Variants in SPAG16 observed in about 807,000 individuals in gnomAD.
The protein encoded by SPAG16 is sperm-associated antigen 16 protein.
Under a neutral mutation model 80.4 loss-of-function variants are expected in SPAG16, and 86 were observed. The ratio of observed to expected loss-of-function variants is 1.07; its 90% CI spans 0.90 to 1.28. SPAG16 has a LOEUF of 1.28. Ranked by LOEUF, SPAG16 falls within the 50% of genes most tolerant of loss-of-function variation. The pLI is 0.00. For missense variants in SPAG16, 870 were observed against 765.3 expected (o/e 1.14, Z -1.61); for synonymous variants, 294 against 265.9 (o/e 1.11, Z -1.03).
intron 15 of SPAG16, among the ~76,000 whole-genome samples, chr2:214,330,045 T>C (rs1156815793): frequency 6.6e-6 from 1 of 150,814 alleles, no homozygotes; most frequent in Admixed American, 6.6e-5. Context: ...GGCAGGTGGA[T>C]CACCTGAGGT....
At chr2:214,243,396 C>T (rs1689626211) in intron 15 of SPAG16, among the ~76,000 whole-genome samples, 1 of 151,920 alleles carries the variant, frequency 6.6e-6, no homozygotes. Context: ...TTTTAATAAA[C>T]CTCTCTCTCT....
intron 7 of SPAG16, among the ~76,000 whole-genome samples, chr2:213,353,235 A>G (rs753911542): frequency 2.0e-5 from 3 of 152,174 alleles, no homozygotes; most frequent in African/African-American, 4.8e-5. Flanking sequence ...CTCTGCCACA[A>G]TATCTGTGAA....
At chr2:213,572,552 G>A (rs542779904) in intron 10 of SPAG16, among the ~76,000 whole-genome samples, 14 of 152,074 alleles carry the variant, frequency 9.2e-5, no homozygotes, top group Non-Finnish European at 2.1e-4. Context: ...GGCTGCTTGG[G>A]GGTCAGGAGT....
intron 12 of SPAG16, among the ~76,000 whole-genome samples, chr2:214,007,877 A>G (rs1421131791): frequency 4.6e-5 from 7 of 152,182 alleles, no homozygotes; most frequent in Non-Finnish European, 8.8e-5. Flanking sequence ...AGGAATGTTG[A>G]CATGAAAAAT....
intron 10 of SPAG16, among the ~76,000 whole-genome samples, chr2:213,830,978 A>C (rs1037016502): frequency 6.6e-6 from 1 of 151,068 alleles, no homozygotes; most frequent in African/African-American, 2.4e-5. Flanking sequence ...CTTTCTCAAA[A>C]TTCCTTAGTT....
intron 9 of SPAG16, among the ~76,000 whole-genome samples, chr2:213,424,896 A>T (rs747269674): frequency 6.6e-6 from 1 of 152,194 alleles, no homozygotes; most frequent in Non-Finnish European, 1.5e-5. Context: ...TTTCTTTGCC[A>T]TGGCCTTTGG....
chr2:213,919,397 T>G (rs2078108695), intron 11 of SPAG16, among the ~76,000 whole-genome samples: 1 of 152,212 alleles, frequency 6.6e-6, no homozygotes, highest in African/African-American at 2.4e-5. Flanking sequence ...ATTGAGATCT[T>G]TCTAACTTTT....
intron 12 of SPAG16, among the ~76,000 whole-genome samples, chr2:214,010,491 TCAG>T (rs2047230656): frequency 6.8e-6 from 1 of 146,500 alleles, no homozygotes; most frequent in Non-Finnish European, 1.5e-5. Flanking sequence ...TTTCTGAACT[TCAG>T]TATTTGGGAA....
intron 9 of SPAG16, among the ~76,000 whole-genome samples, chr2:213,451,876 T>C (rs2071713152): frequency 6.6e-6 from 1 of 152,102 alleles, no homozygotes; most frequent in African/African-American, 2.4e-5. Context: ...AGAGTTTCTG[T>C]GCCTGTTCCA....
At chr2:214,042,571 A>T (rs1414135676) in intron 13 of SPAG16, among the ~76,000 whole-genome samples, 1 of 152,186 alleles carries the variant, frequency 6.6e-6, no homozygotes, top group Non-Finnish European at 1.5e-5. Context: ...TAGGAAAAAT[A>T]TTATCCTTTG....
chr2:213,721,841 C>T (rs1187503225), intron 10 of SPAG16, among the ~76,000 whole-genome samples: 1 of 152,174 alleles, frequency 6.6e-6, no homozygotes, highest in Non-Finnish European at 1.5e-5. Flanking sequence ...AAGAATCACA[C>T]ATTTTCCCTG....
At chr2:213,643,767 CTTTTTTTTTTTTTTTTTT>C (rs71063764) in intron 10 of SPAG16, among the ~76,000 whole-genome samples, 1 of 52,004 alleles carries the variant, frequency 1.9e-5, no homozygotes, top group Non-Finnish European at 3.5e-5. Flanking sequence ...CTCACTACTT[CTTTTTTTTTTTTTTTTTT>C]TTTTTTTTTT....
chr2:213,844,204 A>G (rs1248724954), intron 10 of SPAG16, among the ~76,000 whole-genome samples: 2 of 152,216 alleles, frequency 1.3e-5, no homozygotes, highest in Middle Eastern at 3.2e-3. Context: ...AGCATGACCA[A>G]TGAAACCTGA....
At chr2:214,341,805 T>G (rs954969368) in intron 15 of SPAG16, among the ~76,000 whole-genome samples, 8 of 152,146 alleles carry the variant, frequency 5.3e-5, no homozygotes, top group African/African-American at 1.9e-4. Flanking sequence ...AAGAACTTCC[T>G]CTTAATTAAA....
intron 15 of SPAG16, among the ~76,000 whole-genome samples, chr2:214,182,157 T>C (rs1423712833): frequency 1.3e-5 from 2 of 151,744 alleles, no homozygotes; most frequent in African/African-American, 4.8e-5. Flanking sequence ...ATATATATAT[T>C]GTACATGTAT....
chr2:214,168,121 C>G (rs973260942), intron 15 of SPAG16, among the ~76,000 whole-genome samples: 1 of 151,534 alleles, frequency 6.6e-6, no homozygotes, highest in African/African-American at 2.4e-5. Flanking sequence ...TTCTGAATAG[C>G]TGGGATTACA....
intron 10 of SPAG16, among the ~76,000 whole-genome samples, chr2:213,762,218 G>C (rs922304129): frequency 6.6e-6 from 1 of 152,166 alleles, no homozygotes; most frequent in Admixed American, 6.5e-5. Context: ...AAGGGAGAAT[G>C]AGGAGTTACT....
At chr2:213,351,627 G>A (rs999102384) in intron 7 of SPAG16, among the ~76,000 whole-genome samples, 17 of 151,862 alleles carry the variant, frequency 1.1e-4, no homozygotes, top group Non-Finnish European at 2.4e-4. Flanking sequence ...TTCTATTATT[G>A]TTTTCTGGAG....
intron 7 of SPAG16, among the ~76,000 whole-genome samples, chr2:213,356,676 T>C (rs1325508947): frequency 6.6e-6 from 1 of 152,160 alleles, no homozygotes; most frequent in Non-Finnish European, 1.5e-5. Context: ...TCTGTCAATA[T>C]TGTTGATCTT....
Sources: gnomAD v4.1 joint callset for allele counts (sites outside exome capture counted in the v4.1 genomes callset) on GRCh38, gnomAD v4.1.1 for gene constraint, MANE v1.5 for transcripts, NCBI Gene and HGNC (gene_info 2026-07-23, HGNC 2026-07-21) for gene names.